The following BHLHA9 variants were observed in gnomAD, a reference collection of about 807,000 sequenced individuals.
The protein encoded by BHLHA9 is class A basic helix-loop-helix protein 9.
For missense variants in BHLHA9, 344 were observed against 365.9 expected (o/e 0.94, Z 0.49); for synonymous variants, 177 against 179.7 (o/e 0.98, Z 0.12).
chr17:1,271,100 C>T lies in BHLHA9; in HGVS notation c.537C>T (p.Cys179=), dbSNP rs867010518. ...CGTCCGCGCCCCGCTGCGCCTCGTGCCCCCCGCACGCGCCCCTGGCACGGC... is the reference window on the plus strand; with the variant it reads ...CGTCCGCGCCCCGCTGCGCCTCGTGTCCCCCGCACGCGCCCCTGGCACGGC... The part of the protein sequence containing the change: ...SVPSAPRCAS[C]PPHAPLARPS... Residue 179 remains cysteine (C), a synonymous_variant, in exon 1 of 1, where the codon TGC becomes TGT. Transcript: ENST00000391429. 1.0e-4 allele frequency: 127 copies of T among 1,232,598 alleles called. No individual in the cohort carries two copies. The highest frequency in any genetic ancestry group is 7.8e-4 in the East Asian group (24 of 30,628). The allele number at this position is 1,232,598 out of a possible 1,614,324, so 76.4% of individuals were successfully genotyped here. A position where few individuals can be genotyped will look rare whatever the true frequency, so the allele number is the denominator to read the frequency against.
Position 1,270,880 on chromosome 17 carries a change from C to A in BHLHA9, c.317C>A (p.Thr106Lys), listed in dbSNP as rs1363742103. Residue 106 changes from threonine (T) to lysine (K), a missense_variant, in exon 1 of 1, where the codon ACG becomes AAG. Transcript: ENST00000391429. ...GGCAAGAGGCTCTCCAAGATCGCCACGCTGCGCAGGGCCATCCACCGCATC... is the reference window on the plus strand; with the variant it reads ...GGCAAGAGGCTCTCCAAGATCGCCAAGCTGCGCAGGGCCATCCACCGCATC... ...LGGKRLSKIA[T>K]LRRAIHRIAA... 3 of 1,473,256 alleles carry A rather than the reference C, an allele frequency of 2.0e-6. No homozygotes were observed. Among genetic ancestry groups the A allele is most frequent in the Admixed American group, 2.4e-5 (1 of 42,462 alleles). The allele number at this position is 1,473,256 out of a possible 1,614,324, so 91.3% of individuals were successfully genotyped here.
Position 1,271,621 on chromosome 17 carries a change from T to C in BHLHA9, c.*350T>C, listed in dbSNP as rs530327496. On this transcript the variant is annotated 3_prime_UTR_variant, in exon 1 of 1. Transcript: ENST00000391429. ...GCCTCCGAGCCCTGTGTGTTCTCGA[T>C]GCTTTTAGGAGAGTGAGGGCTTTGA... Among the ~76,000 whole-genome samples the C allele has an allele frequency of 1.3e-5, 2 of 152,324 alleles. No individual in the cohort carries two copies. Among genetic ancestry groups the C allele is most frequent in the Admixed American group, 6.5e-5 (1 of 15,302 alleles).
In BHLHA9 at chr17:1,270,646, C is replaced by T. The variant is rs1315660253; in HGVS notation, c.83C>T (p.Pro28Leu). 1.7e-5 allele frequency: 22 copies of T among 1,306,540 alleles called. No homozygotes were observed. Among genetic ancestry groups the T allele is most frequent in the Non-Finnish European group, 2.1e-5 (22 of 1,034,944 alleles). The allele number at this position is 1,306,540 out of a possible 1,614,324, so 80.9% of individuals were successfully genotyped here. A position where few individuals can be genotyped will look rare whatever the true frequency, so the allele number is the denominator to read the frequency against. ...GCGGAGGACTTGGGGGGCCCCTGCCCCGAGCCCGGGGGCGATTCGGGGGTG... is the reference window on the plus strand; with the variant it reads ...GCGGAGGACTTGGGGGGCCCCTGCCTCGAGCCCGGGGGCGATTCGGGGGTG... ...DSAEDLGGPC[P>L]EPGGDSGVLG... The change falls in exon 1 of 1, where the codon CCC becomes CTC. Residue 28 changes from proline (P) to leucine (L), a missense_variant. By Grantham distance (98) the Pro-to-Leu change is moderately conservative. Coordinates refer to ENST00000391429, the MANE Select transcript of BHLHA9 (RefSeq NM_001164405.2).
In BHLHA9 at chr17:1,271,230, T is replaced by C; in HGVS notation, c.667T>C (p.Tyr223His). 1 of 1,254,710 alleles carries C rather than the reference T, an allele frequency of 8.0e-7. No homozygotes were observed. Among genetic ancestry groups the C allele is most frequent in the Non-Finnish European group, 1.0e-6 (1 of 992,934 alleles). The allele number at this position is 1,254,710 out of a possible 1,614,324, so 77.7% of individuals were successfully genotyped here. A position where few individuals can be genotyped will look rare whatever the true frequency, so the allele number is the denominator to read the frequency against. ...CGGGCCGCCTCCCTGGCCGCGGGGC[T>C]ACCTGCGATCCGCCCCCGGGATGGG... ...SAGPPPWPRG[Y>H]LRSAPGMGHP... Residue 223 changes from tyrosine to histidine, a missense_variant, in exon 1 of 1, where the codon TAC becomes CAC. Tyr to His is a moderately conservative substitution (Grantham distance 83). Transcript: ENST00000391429.
Position 1,271,171 on chromosome 17 carries a change from G to A in BHLHA9, c.608G>A (p.Gly203Glu). The A allele has an allele frequency of 1.6e-6, 2 of 1,242,752 alleles. No individual in the cohort carries two copies. Among genetic ancestry groups the A allele is most frequent in the African/African-American group, 1.6e-5 (1 of 64,466 alleles). 77.0% of individuals were successfully genotyped at this position (1,242,752 alleles called of 1,614,324 possible). ...EGPGLAQASG[G>E]SWRRCPGASS... The stretch of plus-strand genomic sequence containing the variant: ...CCGGGCCTAGCACAGGCCTCCGGGG[G>A]AAGCTGGCGCCGCTGTCCGGGGGCT... Residue 203 changes from glycine (G) to glutamate (E), a missense_variant, in exon 1 of 1, where the codon GGA becomes GAA. Transcript: ENST00000391429.
At position 1,270,647 on chromosome 17, in the gene BHLHA9, C is replaced by T. The variant is rs1598180969; in HGVS notation, c.84C>T (p.Pro28=). The change falls in exon 1 of 1, where the codon CCC becomes CCT. Residue 28 remains proline, a synonymous_variant. Transcript: ENST00000391429. ...CGGAGGACTTGGGGGGCCCCTGCCCCGAGCCCGGGGGCGATTCGGGGGTGC... is the reference window on the plus strand; with the variant it reads ...CGGAGGACTTGGGGGGCCCCTGCCCTGAGCCCGGGGGCGATTCGGGGGTGC... ...DSAEDLGGPC[P]EPGGDSGVLG... 1 of 1,306,466 alleles carries T rather than the reference C, an allele frequency of 7.7e-7. No homozygotes were observed. Among genetic ancestry groups the T allele is most frequent in the Non-Finnish European group, 9.7e-7 (1 of 1,034,830 alleles). The allele number at this position is 1,306,466 out of a possible 1,614,324, so 80.9% of individuals were successfully genotyped here.
At position 1,271,450 on chromosome 17, in the gene BHLHA9, C is replaced by G. The variant is rs972412579; in HGVS notation, c.*179C>G. The G allele has an allele frequency of 2.3e-6, 1 of 440,320 alleles. No individual in the cohort carries two copies. Among genetic ancestry groups the G allele is most frequent in the Non-Finnish European group, 4.0e-6 (1 of 253,154 alleles). 27.3% of individuals were successfully genotyped at this position (440,320 alleles called of 1,614,324 possible). The stretch of plus-strand genomic sequence containing the variant: ...GGACCCGGGGTTGCGCCCCCACATC[C>G]CAGCCTGGGGCAGAGAGAAGGAGCT... On this transcript the variant is annotated 3_prime_UTR_variant, in exon 1 of 1. Coordinates refer to ENST00000391429, the MANE Select transcript of BHLHA9 (RefSeq NM_001164405.2).
chr17:1,271,365 A>T lies in BHLHA9; in HGVS notation c.*94A>T. Reference sequence around the variant, plus strand: ...GCAAAGGCGTCTTGGACAGAGCAGAACTGGACCGGCTGAGACCTGGCGTGG... The same window carrying T: ...GCAAAGGCGTCTTGGACAGAGCAGATCTGGACCGGCTGAGACCTGGCGTGG... On this transcript the variant is annotated 3_prime_UTR_variant, in exon 1 of 1. Coordinates refer to ENST00000391429, the MANE Select transcript of BHLHA9 (RefSeq NM_001164405.2). 1 of 896,892 alleles carries T rather than the reference A, an allele frequency of 1.1e-6. No homozygotes were observed. The highest frequency in any genetic ancestry group is 3.4e-5 in the East Asian group (1 of 29,728). The allele number at this position is 896,892 out of a possible 1,614,324, so 55.6% of individuals were successfully genotyped here.
In BHLHA9 at chr17:1,270,703, G is replaced by A. The variant is rs1484903776; in HGVS notation, c.140G>A (p.Gly47Asp). 1.2e-5 allele frequency: 16 copies of A among 1,332,048 alleles called. No individual in the cohort carries two copies. In the East Asian group the frequency reaches 4.0e-4, roughly 34 times the overall value. The allele number at this position is 1,332,048 out of a possible 1,614,324, so 82.5% of individuals were successfully genotyped here. The change falls in exon 1 of 1, where the codon GGC (glycine) becomes GAC (aspartate). Residue 47 changes from glycine to aspartate, a missense_variant. Coordinates refer to ENST00000391429, the MANE Select transcript of BHLHA9 (RefSeq NM_001164405.2). ...GCGAACGGCGCTTCCTGCAGCCGGG[G>A]CGAGGCGGAGGAGCCGGCGGGCAGG... is the stretch of plus-strand genomic sequence containing the variant. ...LGANGASCSR[G>D]EAEEPAGRRR...
rs762132480 is a variant in BHLHA9, at chr17:1,270,836, G to C, written c.273G>C (p.Ala91=). 7 of 1,476,436 alleles carry C rather than the reference G, an allele frequency of 4.7e-6. No homozygotes were observed. The highest frequency in any genetic ancestry group is 2.6e-5 in the South Asian group (2 of 78,360). 91.5% of individuals were successfully genotyped at this position (1,476,436 alleles called of 1,614,324 possible). A position where few individuals can be genotyped will look rare whatever the true frequency, so the allele number is the denominator to read the frequency against. The stretch of plus-strand genomic sequence containing the variant: ...AGGCCTTCAACGCGCTGCGCCGGGC[G>C]CTGCGGCACGACCTGGGCGGCAAGA... The part of the protein sequence containing the change: ...YNEAFNALRR[A]LRHDLGGKRL... The change falls in exon 1 of 1, where the codon GCG becomes GCC. Residue 91 remains alanine (A), a synonymous_variant. Coordinates refer to ENST00000391429, the MANE Select transcript of BHLHA9 (RefSeq NM_001164405.2).
In BHLHA9 at chr17:1,270,716, G is replaced by A. The variant is rs928252291; in HGVS notation, c.153G>A (p.Glu51=). ...CCTGCAGCCGGGGCGAGGCGGAGGA[G>A]CCGGCGGGCAGGAGGCGCGCGCGGC... ...GASCSRGEAE[E]PAGRRRARPV... is the part of the protein sequence containing the mutation. Residue 51 remains glutamate, a synonymous_variant, in exon 1 of 1, where the codon GAG becomes GAA. Coordinates refer to ENST00000391429, the MANE Select transcript of BHLHA9 (RefSeq NM_001164405.2). 535 of 1,342,320 alleles carry A rather than the reference G, an allele frequency of 4.0e-4. 1 individual carries two copies. The highest frequency in any genetic ancestry group is 4.7e-4 in the Non-Finnish European group (495 of 1,056,472). The allele number at this position is 1,342,320 out of a possible 1,614,324, so 83.2% of individuals were successfully genotyped here.
At position 1,271,264 on chromosome 17, in the gene BHLHA9, G is replaced by T; in HGVS notation, c.701G>T (p.Arg234Leu). The change falls in exon 1 of 1, where the codon CGC (arginine) becomes CTC (leucine). Residue 234 changes from arginine (R) to leucine (L), a missense_variant. Arg to Leu is a moderately radical substitution (Grantham distance 102). Transcript: ENST00000391429. Reference sequence around the variant, plus strand: ...TCCGCCCCCGGGATGGGCCATCCGCGCTCCTGACCGGCCTCGAGGCACCGG... The same window carrying T: ...TCCGCCCCCGGGATGGGCCATCCGCTCTCCTGACCGGCCTCGAGGCACCGG... ...LRSAPGMGHP[R>L]S The T allele has an allele frequency of 8.0e-7, 1 of 1,250,348 alleles. No individual in the cohort carries two copies. The highest frequency in any genetic ancestry group is 1.0e-6 in the Non-Finnish European group (1 of 989,740). 77.5% of individuals were successfully genotyped at this position (1,250,348 alleles called of 1,614,324 possible). A position where few individuals can be genotyped will look rare whatever the true frequency, so the allele number is the denominator to read the frequency against.
Position 1,271,416 on chromosome 17 carries a change from G to A in BHLHA9, c.*145G>A. On this transcript the variant is annotated 3_prime_UTR_variant, in exon 1 of 1. Transcript: ENST00000391429. The stretch of plus-strand genomic sequence containing the variant: ...AAGAGAAGGAGCTCGCCAGAGAGAA[G>A]GAGCTCCGGGACCCGGGGTTGCGCC... 3.5e-6 allele frequency: 2 copies of A among 565,782 alleles called. No individual in the cohort carries two copies. Among genetic ancestry groups the A allele is most frequent in the Non-Finnish European group, 5.4e-6 (2 of 367,528 alleles). The allele number at this position is 565,782 out of a possible 1,614,324, so 35.0% of individuals were successfully genotyped here.
rs1377189367 is a variant in BHLHA9 at position 1,270,743 on chromosome 17, G to T, written c.180G>T (p.Pro60=). 1 of 1,392,216 alleles carries T rather than the reference G, an allele frequency of 7.2e-7. No individual in the cohort carries two copies. Among genetic ancestry groups the T allele is most frequent in the Middle Eastern group, 2.1e-4 (1 of 4,752 alleles). 86.2% of individuals were successfully genotyped at this position (1,392,216 alleles called of 1,614,324 possible). Residue 60 remains proline, a synonymous_variant, in exon 1 of 1, where the codon CCG becomes CCT. Coordinates refer to ENST00000391429, the MANE Select transcript of BHLHA9 (RefSeq NM_001164405.2). ...CGGCGGGCAGGAGGCGCGCGCGGCC[G>T]GTGCGGTCCAAGGCGCGGCGCATGG... The part of the protein sequence containing the change: ...EEPAGRRRAR[P]VRSKARRMAA...
rs1381197592 is a variant in BHLHA9 at position 1,270,638 on chromosome 17, C to G, written c.75C>G (p.Gly25=). ...GAEDSAEDLG[G]PCPEPGGDSG... Reference sequence around the variant, plus strand: ...AGGACTCTGCGGAGGACTTGGGGGGCCCCTGCCCCGAGCCCGGGGGCGATT... The same window carrying G: ...AGGACTCTGCGGAGGACTTGGGGGGGCCCTGCCCCGAGCCCGGGGGCGATT... The change falls in exon 1 of 1, where the codon GGC becomes GGG. Residue 25 remains glycine, a synonymous_variant. Coordinates refer to ENST00000391429, the MANE Select transcript of BHLHA9 (RefSeq NM_001164405.2). 1.5e-5 allele frequency: 19 copies of G among 1,305,624 alleles called. No homozygotes were observed. Among genetic ancestry groups the G allele is most frequent in the Non-Finnish European group, 1.7e-5 (18 of 1,034,208 alleles). The allele number at this position is 1,305,624 out of a possible 1,614,324, so 80.9% of individuals were successfully genotyped here. A position where few individuals can be genotyped will look rare whatever the true frequency, so the allele number is the denominator to read the frequency against.
In BHLHA9 at chr17:1,270,665, G is replaced by C. The variant is rs1301680553; in HGVS notation, c.102G>C (p.Ser34=). Residue 34 remains serine (S), a synonymous_variant, in exon 1 of 1, where the codon TCG becomes TCC. Coordinates refer to ENST00000391429, the MANE Select transcript of BHLHA9 (RefSeq NM_001164405.2). ...CCTGCCCCGAGCCCGGGGGCGATTC[G>C]GGGGTGCTGGGGGCGAACGGCGCTT... is the stretch of plus-strand genomic sequence containing the variant. ...GGPCPEPGGD[S]GVLGANGASC... 7.6e-7 allele frequency: 1 copy of C among 1,312,572 alleles called. No homozygotes were observed. Among genetic ancestry groups the C allele is most frequent in the East Asian group, 3.1e-5 (1 of 32,142 alleles). 81.3% of individuals were successfully genotyped at this position (1,312,572 alleles called of 1,614,324 possible). A position where few individuals can be genotyped will look rare whatever the true frequency, so the allele number is the denominator to read the frequency against.
In BHLHA9 at chr17:1,271,237, G is replaced by A; in HGVS notation, c.674G>A (p.Arg225Gln). Residue 225 changes from arginine to glutamine, a missense_variant, in exon 1 of 1, where the codon CGA becomes CAA. By Grantham distance (43) the Arg-to-Gln change is conservative (BLOSUM62 1). Transcript: ENST00000391429. ...CCTCCCTGGCCGCGGGGCTACCTGC[G>A]ATCCGCCCCCGGGATGGGCCATCCG... ...GPPPWPRGYL[R>Q]SAPGMGHPRS The A allele has an allele frequency of 8.0e-7, 1 of 1,254,784 alleles. No homozygotes were observed. Among genetic ancestry groups the A allele is most frequent in the South Asian group, 3.6e-5 (1 of 27,496 alleles). 77.7% of individuals were successfully genotyped at this position (1,254,784 alleles called of 1,614,324 possible). A position where few individuals can be genotyped will look rare whatever the true frequency, so the allele number is the denominator to read the frequency against.
At position 1,271,225 on chromosome 17, in the gene BHLHA9, G is replaced by C; in HGVS notation, c.662G>C (p.Arg221Pro). The C allele has an allele frequency of 8.0e-7, 1 of 1,254,122 alleles. No homozygotes were observed. Among genetic ancestry groups the C allele is most frequent in the Non-Finnish European group, 1.0e-6 (1 of 992,848 alleles). 77.7% of individuals were successfully genotyped at this position (1,254,122 alleles called of 1,614,324 possible). Reference sequence around the variant, plus strand: ...TCTGCCGGGCCGCCTCCCTGGCCGCGGGGCTACCTGCGATCCGCCCCCGGG... The same window carrying C: ...TCTGCCGGGCCGCCTCCCTGGCCGCCGGGCTACCTGCGATCCGCCCCCGGG... ...ASSAGPPPWPRGYLRSAPGMG... is the reference protein window; with the variant it reads ...ASSAGPPPWPPGYLRSAPGMG... Residue 221 changes from arginine to proline, a missense_variant, in exon 1 of 1, where the codon CGG becomes CCG. Arg to Pro is a moderately radical substitution (Grantham distance 103). Transcript: ENST00000391429.
Position 1,270,528 on chromosome 17 carries a change from CGGGGCT to C in BHLHA9, c.-30_-25del, listed in dbSNP as rs772446398. ...GGGCAGAGGGCAGAGGGCAGAGGGC[CGGGGCT>C]GGGGCAGAGGGCGAGTGCCCGGGAA... On this transcript the variant is annotated 5_prime_UTR_variant, in exon 1 of 1. Coordinates refer to ENST00000391429, the MANE Select transcript of BHLHA9 (RefSeq NM_001164405.2). 2.5e-6 allele frequency: 3 copies of C among 1,178,024 alleles called. No homozygotes were observed. The highest frequency in any genetic ancestry group is 3.2e-6 in the Non-Finnish European group (3 of 929,186). The allele number at this position is 1,178,024 out of a possible 1,614,324, so 73.0% of individuals were successfully genotyped here.
Sources: gnomAD v4.1 joint callset for allele counts (sites outside exome capture counted in the v4.1 genomes callset) on GRCh38, gnomAD v4.1.1 for gene constraint, MANE v1.5 for transcripts, NCBI Gene and HGNC (gene_info 2026-07-23, HGNC 2026-07-21) for gene names.